Variants in ADGRL3 observed in about 807,000 individuals in gnomAD.
ADGRL3 encodes calcium-independent alpha-latrotoxin receptor 3.
In ADGRL3, 62 loss-of-function variants were observed where a neutral mutation model predicts 153.5. The observed-to-expected ratio is 0.40, with a 90% CI of 0.33 to 0.50. ADGRL3 has a LOEUF of 0.50. Ranked by LOEUF, ADGRL3 falls within the 20% of genes least tolerant of loss-of-function variation. ADGRL3 has a pLI of 0.47. For missense variants in ADGRL3, 1,641 were observed against 1,859.4 expected (o/e 0.88, Z 2.16); for synonymous variants, 710 against 672.5 (o/e 1.06, Z -0.86).
In ADGRL3 at chr4:61,382,118, T is replaced by C. The variant is rs141890762; in HGVS notation, c.-239-1006T>C. On this transcript the variant is annotated intron_variant, in intron 1 of 26. Coordinates refer to ENST00000683033, the MANE Select transcript of ADGRL3 (RefSeq NM_001387552.1). ...CTTTAATTTTATGCTATTGACTTTCTGCCCTGTATCTCATTCTTTATCCAT... is the reference window on the plus strand; with the variant it reads ...CTTTAATTTTATGCTATTGACTTTCCGCCCTGTATCTCATTCTTTATCCAT... 2.2e-3 allele frequency among the ~76,000 whole-genome samples: 330 copies of C among 152,080 alleles called. 2 individuals are homozygous for C. The highest frequency in any genetic ancestry group is 7.3e-3 in the African/African-American group (304 of 41,528).
intron 1 of ADGRL3, among the ~76,000 whole-genome samples, chr4:61,337,009 T>TA (rs1028678316): frequency 3.3e-5 from 5 of 152,072 alleles, no homozygotes; most frequent in Non-Finnish European, 7.4e-5. Context: ...TAAAATGGGC[T>TA]AAATTTGAGG....
chr4:61,998,965 T>C (rs2099131292), intron 21 of ADGRL3, among the ~76,000 whole-genome samples: 1 of 152,122 alleles, frequency 6.6e-6, no homozygotes, highest in African/African-American at 2.4e-5. Context: ...CAGATGATGG[T>C]ACCTACATGT....
At chr4:61,862,156 T>C (rs1429795762) in intron 9 of ADGRL3, among the ~76,000 whole-genome samples, 1 of 152,186 alleles carries the variant, frequency 6.6e-6, no homozygotes, top group East Asian at 1.9e-4. Flanking sequence ...ATAAAACTTC[T>C]TTGTTTCCCC....
At chr4:62,058,429 T>C (rs1208386667) in intron 25 of ADGRL3, among the ~76,000 whole-genome samples, 1 of 152,186 alleles carries the variant, frequency 6.6e-6, no homozygotes, top group Non-Finnish European at 1.5e-5. Flanking sequence ...TTTAATGTTA[T>C]GTTTTCAAGA....
chr4:61,892,628 AG>A (rs1346934853), intron 9 of ADGRL3, 27 bp from the exon 10 acceptor site: 1 of 1,553,576 alleles, frequency 6.4e-7, no homozygotes, highest in Non-Finnish European at 8.9e-7. Flanking sequence ...CAAGCAATGT[AG>A]GTGTTTTCTT....
Position 61,583,989 on chromosome 4 carries a change from C to T in ADGRL3, c.260-3238C>T, listed in dbSNP as rs2098936364. ...CATTACTCTGCATTTGAATTGTTGG[C>T]ATTTTCCATGTTTTAGTGTTTTCCT... On this transcript the variant is annotated intron_variant, in intron 4 of 26. Coordinates refer to ENST00000683033, the MANE Select transcript of ADGRL3 (RefSeq NM_001387552.1). Among the ~76,000 whole-genome samples, 6 of 152,140 alleles carry T rather than the reference C, an allele frequency of 3.9e-5. No individual in the cohort carries two copies. In the South Asian group the frequency reaches 1.2e-3, roughly 32 times the overall value.
chr4:61,680,865 C>G (rs2095321136), intron 6 of ADGRL3, among the ~76,000 whole-genome samples: 1 of 152,000 alleles, frequency 6.6e-6, no homozygotes, highest in African/African-American at 2.4e-5. Context: ...TACTTCTGTT[C>G]TGTTTTTTCT....
intron 2 of ADGRL3, among the ~76,000 whole-genome samples, chr4:61,412,668 G>T (rs183647023): frequency 3.9e-5 from 6 of 152,212 alleles, no homozygotes; most frequent in Non-Finnish European, 8.8e-5. Flanking sequence ...GTATCCTAAA[G>T]TTAGCTAACT....
chr4:62,056,894 A>G (rs1737314584), intron 25 of ADGRL3, among the ~76,000 whole-genome samples: 1 of 152,212 alleles, frequency 6.6e-6, no homozygotes, highest in Middle Eastern at 3.4e-3. Context: ...GAATTTGAAA[A>G]TTGAGGCATA....
intron 6 of ADGRL3, among the ~76,000 whole-genome samples, chr4:61,718,462 T>C (rs993098807): frequency 6.6e-6 from 1 of 152,212 alleles, no homozygotes; most frequent in Non-Finnish European, 1.5e-5. Flanking sequence ...TGTCATTACA[T>C]AGTTGTTCCT....
rs182426375 is a variant in ADGRL3, at chr4:61,774,635, G to C, written c.1400-39174G>C. The stretch of plus-strand genomic sequence containing the variant: ...GAAGATCAGGAACCAATACTATGTG[G>C]ATACAGAAAGATGACTGTATGGTAC... On this transcript the variant is annotated intron_variant, in intron 8 of 26. Coordinates refer to ENST00000683033, the MANE Select transcript of ADGRL3 (RefSeq NM_001387552.1). Among the ~76,000 whole-genome samples the C allele has an allele frequency of 1.1e-4, 17 of 152,038 alleles. 1 individual carries two copies. Among genetic ancestry groups the C allele is most frequent in the Admixed American group, 7.2e-4 (11 of 15,260 alleles).
At position 61,759,938 on chromosome 4, in the gene ADGRL3, C is replaced by G. The variant is rs543841058; in HGVS notation, c.1399+26384C>G. Among the ~76,000 whole-genome samples, 4 of 152,304 alleles carry G rather than the reference C, an allele frequency of 2.6e-5. No homozygotes were observed. In the East Asian group the frequency reaches 7.7e-4, roughly 29 times the overall value. Reference sequence around the variant, plus strand: ...TGTTGGAGTTTGCCGGAGGTCTGCTCCAGACCCTGTTTGCCTGGGTATCAG... The same window carrying G: ...TGTTGGAGTTTGCCGGAGGTCTGCTGCAGACCCTGTTTGCCTGGGTATCAG... On this transcript the variant is annotated intron_variant, in intron 8 of 26. Coordinates refer to ENST00000683033, the MANE Select transcript of ADGRL3 (RefSeq NM_001387552.1).
chr4:61,432,576 T>TTCTTTCTTTC (rs2097371331), intron 2 of ADGRL3, among the ~76,000 whole-genome samples: 6 of 1,748 alleles, frequency 3.4e-3, no homozygotes, highest in African/African-American at 4.7e-3. Context: ...TTCTCTTCCT[T>TTCTTTCTTTC]TCTTTCTTTC....
chr4:61,893,413 A>T (rs2098603759), intron 10 of ADGRL3, among the ~76,000 whole-genome samples: 1 of 152,054 alleles, frequency 6.6e-6, no homozygotes, highest in East Asian at 1.9e-4. Context: ...GGATCACTTG[A>T]TTGCTGGGAG....
At chr4:61,420,056 C>A (rs762135580) in intron 2 of ADGRL3, among the ~76,000 whole-genome samples, 6 of 152,128 alleles carry the variant, frequency 3.9e-5, no homozygotes, top group Non-Finnish European at 8.8e-5. Context: ...CCCACCTCGG[C>A]CTCCCAAAGT....
At chr4:61,547,273 AC>A (rs1211811962) in intron 4 of ADGRL3, among the ~76,000 whole-genome samples, 2 of 148,976 alleles carry the variant, frequency 1.3e-5, no homozygotes, top group African/African-American at 4.9e-5. Context: ...GGTTTTTTTT[AC>A]TTTTTTTTTT....
At chr4:61,394,678 T>G (rs1333891534) in intron 2 of ADGRL3, among the ~76,000 whole-genome samples, 2 of 152,076 alleles carry the variant, frequency 1.3e-5, no homozygotes, top group African/African-American at 4.8e-5. Flanking sequence ...ATTTAAGTGC[T>G]TTAAAAAAAG....
At chr4:62,055,792 T>C (rs539356727) in intron 25 of ADGRL3, among the ~76,000 whole-genome samples, 78 of 151,898 alleles carry the variant, frequency 5.1e-4, no homozygotes, top group South Asian at 1.7e-3. Flanking sequence ...TGTGTTGATA[T>C]TGTTTTGCTA....
chr4:61,398,902 T>G (rs2096898126), intron 2 of ADGRL3, among the ~76,000 whole-genome samples: 1 of 151,772 alleles, frequency 6.6e-6, no homozygotes, highest in Non-Finnish European at 1.5e-5. Context: ...CTTCCAAAAC[T>G]GTGTTTCCTT....
Sources: allele counts gnomAD v4.1 joint callset (sites outside exome capture counted in the v4.1 genomes callset), GRCh38; gene constraint gnomAD v4.1.1; transcripts MANE v1.5; gene names NCBI Gene and HGNC (gene_info 2026-07-23, HGNC 2026-07-21).